The following CCDC192 variants were observed in gnomAD, a reference collection of about 807,000 sequenced individuals.
CCDC192 encodes coiled-coil domain-containing protein 192.
intron 5 of CCDC192, among the ~76,000 whole-genome samples, chr5:127,852,982 C>T (rs1040871165): frequency 6.6e-6 from 1 of 152,032 alleles, no homozygotes; most frequent in African/African-American, 2.4e-5. Context: ...CCCAGCTACT[C>T]AGGAGGCTGA....
chr5:127,737,142 T>C (rs1218365173), intron 2 of CCDC192, among the ~76,000 whole-genome samples: 4 of 151,958 alleles, frequency 2.6e-5, no homozygotes, highest in East Asian at 1.9e-4. Context: ...TTTGTTCTCG[T>C]TGGTTTCAAA....
intron 5 of CCDC192, chr5:127,838,397 T>C (rs1750130320): frequency 6.6e-6 from 1 of 152,222 alleles, no homozygotes; most frequent in Non-Finnish European, 1.5e-5. Flanking sequence ...GAGAAAATAA[T>C]ACCTCTTCGT....
chr5:127,784,776 T>C (rs1242720365), intron 3 of CCDC192: 1 of 494,764 alleles, frequency 2.0e-6, no homozygotes, highest in Non-Finnish European at 4.0e-6. Context: ...TTCAAAACCT[T>C]CCTCATCTTC....
At chr5:127,847,369 AT>A (rs1304792150) in intron 5 of CCDC192, among the ~76,000 whole-genome samples, 1 of 152,144 alleles carries the variant, frequency 6.6e-6, no homozygotes, top group Non-Finnish European at 1.5e-5. Context: ...AGTCCGTTAT[AT>A]TTTTGCTGCT....
At chr5:127,899,739 T>C (rs1007953341) in intron 6 of CCDC192, among the ~76,000 whole-genome samples, 1 of 152,206 alleles carries the variant, frequency 6.6e-6, no homozygotes, top group Admixed American at 6.5e-5. Flanking sequence ...ACAATTTTAT[T>C]GTGTTTTCAA....
Position 127,889,407 on chromosome 5 carries a change from C to CTTTT in CCDC192, c.535+13756_535+13759dup, listed in dbSNP as rs5871279. On this transcript the variant is annotated intron_variant, in intron 6 of 6. Transcript: ENST00000514853. ...TCCTTTTCTTTTCTTTTCTTTCTTT[C>CTTTT]TTTTTTTTTTTTTGAGACAGAGTCT... Among the ~76,000 whole-genome samples the CTTTT allele has an allele frequency of 1.2e-4, 16 of 128,902 alleles. 1 individual carries two copies. In the South Asian group the frequency reaches 3.5e-3, roughly 28 times the overall value. 84.6% of individuals were successfully genotyped at this position (128,902 alleles called of 152,430 possible).
intron 4 of CCDC192, among the ~76,000 whole-genome samples, chr5:127,797,478 A>G (rs1169914971): frequency 1.3e-5 from 2 of 151,942 alleles, no homozygotes; most frequent in Non-Finnish European, 2.9e-5. Context: ...ACATTAGCTG[A>G]ATATTCTATT....
intron 2 of CCDC192, among the ~76,000 whole-genome samples, chr5:127,732,223 C>T (rs1480839202): frequency 6.6e-6 from 1 of 151,880 alleles, no homozygotes; most frequent in African/African-American, 2.4e-5. Context: ...ATTTATGTGG[C>T]CAACAAACAT....
intron 3 of CCDC192, among the ~76,000 whole-genome samples, chr5:127,776,186 A>G (rs890202505): frequency 4.6e-5 from 7 of 152,252 alleles, no homozygotes; most frequent in Admixed American, 2.6e-4. Context: ...GACTTGTTGA[A>G]TGGCTTTGAC....
intron 5 of CCDC192, among the ~76,000 whole-genome samples, chr5:127,833,332 G>A (rs1015515960): frequency 2.6e-5 from 4 of 151,974 alleles, no homozygotes; most frequent in African/African-American, 9.7e-5. Context: ...AATTATTTAG[G>A]CTTTTAATTC....
intron 6 of CCDC192, among the ~76,000 whole-genome samples, chr5:127,901,624 A>G (rs916562313): frequency 6.6e-6 from 1 of 152,182 alleles, no homozygotes; most frequent in Non-Finnish European, 1.5e-5. Context: ...GCTTCAGGGA[A>G]AGCCTAACGG....
At chr5:127,931,115 A>G (rs1412272186) in intron 6 of CCDC192, among the ~76,000 whole-genome samples, 1 of 152,162 alleles carries the variant, frequency 6.6e-6, no homozygotes, top group Admixed American at 6.5e-5. Flanking sequence ...TGGTGGTGGT[A>G]ACTGTTAAAC....
In CCDC192 at chr5:127,930,614, T is replaced by A. The variant is rs188417258; in HGVS notation, c.536-10568T>A. The stretch of plus-strand genomic sequence containing the variant: ...CTCTTGGTATAACTCAGGTACATGG[T>A]TATGCTAACAGTCTTCTCAACCTTA... On this transcript the variant is annotated intron_variant, in intron 6 of 6. Coordinates refer to ENST00000514853, the MANE Select transcript of CCDC192 (RefSeq NM_001317938.2). Among the ~76,000 whole-genome samples the A allele has an allele frequency of 9.8e-5, 15 of 152,330 alleles. No individual in the cohort carries two copies. In the East Asian group the frequency reaches 2.9e-3, roughly 29 times the overall value.
chr5:127,889,381 T>C (rs1580799098), intron 6 of CCDC192, among the ~76,000 whole-genome samples: 1 of 149,836 alleles, frequency 6.7e-6, no homozygotes, highest in Admixed American at 6.8e-5. Flanking sequence ...TTCTTTTTTT[T>C]TCCTTTTCTT....
chr5:127,876,063 ATT>A (rs55862955), intron 6 of CCDC192, among the ~76,000 whole-genome samples: 83,980 of 128,570 alleles, frequency 0.65, 27,300 homozygotes, highest in Non-Finnish European at 0.68. Context: ...AGAGAACAGA[ATT>A]TTTTTTTTTT....
At chr5:127,892,586 T>A (rs562236992) in intron 6 of CCDC192, among the ~76,000 whole-genome samples, 3 of 152,328 alleles carry the variant, frequency 2.0e-5, no homozygotes, top group Non-Finnish European at 2.9e-5. Context: ...GAAGAAATTT[T>A]AAATTTTATC....
At chr5:127,724,171 T>C (rs1752178040) in intron 2 of CCDC192, among the ~76,000 whole-genome samples, 1 of 152,226 alleles carries the variant, frequency 6.6e-6, no homozygotes, top group South Asian at 2.1e-4. Flanking sequence ...TTCCAAATAC[T>C]CAAAGTAAGT....
chr5:127,715,277 T>C (rs1751565479), intron 2 of CCDC192, among the ~76,000 whole-genome samples: 1 of 152,224 alleles, frequency 6.6e-6, no homozygotes, highest in Non-Finnish European at 1.5e-5. Context: ...AAGTCTTTAA[T>C]CCATTTTGAG....
chr5:127,821,086 C>A (rs1053339873), intron 5 of CCDC192, among the ~76,000 whole-genome samples: 1 of 152,102 alleles, frequency 6.6e-6, no homozygotes, highest in Non-Finnish European at 1.5e-5. Context: ...TTCATAGTAA[C>A]ATTGAGTGAT....
Sources: gnomAD v4.1 joint callset for allele counts (sites outside exome capture counted in the v4.1 genomes callset) on GRCh38, gnomAD v4.1.1 for gene constraint, MANE v1.5 for transcripts, NCBI Gene and HGNC (gene_info 2026-07-23, HGNC 2026-07-21) for gene names.